The following MCF2 variants were observed in gnomAD, a reference collection of about 807,000 sequenced individuals.
MCF2 encodes MCF.2 cell line derived transforming sequence.
Under a neutral mutation model 82.5 loss-of-function variants are expected in MCF2, and 44 were observed. The ratio of observed to expected loss-of-function variants is 0.53; its 90% confidence interval spans 0.42 to 0.69. The LOEUF is 0.69. Ranked by LOEUF, MCF2 falls within the 30% of genes least tolerant of loss-of-function variation. The pLI, the probability that MCF2 is intolerant of heterozygous loss-of-function variation, is 0.00. For synonymous variants in MCF2, 217 were observed against 224.9 expected, an observed-to-expected ratio of 0.96 and a Z score of 0.32; for missense variants, 623 against 663.1, an observed-to-expected ratio of 0.94 and a Z score of 0.66.
rs187729900 is a variant in MCF2, at chrX:139,617,666, T to C, written c.846A>G (p.Gly282=). 13 of 1,194,562 alleles carry C rather than the reference T, an allele frequency of 1.1e-5. No individual in the cohort carries two copies. In the East Asian group the frequency reaches 3.9e-4, roughly 36 times the overall value. The change falls in exon 8 of 25, where the codon GGA becomes GGG. Residue 282 remains glycine (G), a synonymous_variant. Coordinates refer to ENST00000370576, the Ensembl canonical transcript of MCF2. Reference sequence around the variant, plus strand: ...AATGGTGATTTGCTGCAAGCTTGTGTCCATGTAATATCACAAACTGGGCCT... The same window carrying C: ...AATGGTGATTTGCTGCAAGCTTGTGCCCATGTAATATCACAAACTGGGCCT...
chrX:139,586,456 C>T, exon 23 of MCF2: 1 of 1,207,292 alleles, frequency 8.3e-7, no homozygotes, highest in Non-Finnish European at 1.1e-6. Context: ...AATTCAGTTT[C>T]CTCAGTACTT....
intron 11 of MCF2, among the ~76,000 whole-genome samples, chrX:139,608,821 G>T (rs1399302392): frequency 9.0e-6 from 1 of 111,493 alleles, no homozygotes; most frequent in African/African-American, 3.3e-5. Context: ...GAAAACTGAG[G>T]CTCAGACAGA....
chrX:139,626,709 A>G (rs769392560), exon 5 of MCF2: 12 of 1,207,428 alleles, frequency 9.9e-6, no homozygotes, highest in Non-Finnish European at 1.3e-5. Flanking sequence ...GCACTTCCAG[A>G]TTTGTTAGCA....
intron 2 of MCF2, among the ~76,000 whole-genome samples, chrX:139,651,008 C>A (rs5954090): frequency 9.1e-6 from 1 of 110,242 alleles, no homozygotes; most frequent in Non-Finnish European, 1.9e-5. Flanking sequence ...AGTAAAATTG[C>A]GGTTGACAGG....
rs761400155 is a variant in MCF2, at chrX:139,615,900, C to T, written c.1191+382G>A. ...TAGGAAAGCAACATCATCCACAGAG[C>T]ATCTGCTGATGGTCACTGCAGCACA... On this transcript the variant is annotated intron_variant, in intron 9 of 24. Coordinates refer to ENST00000370576, the Ensembl canonical transcript of MCF2. 1.1e-3 allele frequency among the ~76,000 whole-genome samples: 128 copies of T among 111,576 alleles called. 1 individual carries two copies. Among genetic ancestry groups the T allele is most frequent in the African/African-American group, 4.1e-3 (126 of 30,765 alleles).
intron 6 of MCF2, among the ~76,000 whole-genome samples, chrX:139,621,445 T>C (rs1410435176): frequency 9.0e-6 from 1 of 111,058 alleles, no homozygotes; most frequent in Non-Finnish European, 1.9e-5. Flanking sequence ...TCACAAACTA[T>C]GCATCTGACA....
rs777439449 is a variant in MCF2, at chrX:139,596,611, G to A, written c.2215C>T (p.Arg739Cys). Reference sequence around the variant, plus strand: ...TCAGAGCCTTCTCCACTTTCAACACGCCTTTTGCAAAAAACAATGGCTTTT... The same window carrying A: ...TCAGAGCCTTCTCCACTTTCAACACACCTTTTGCAAAAAACAATGGCTTTT... The change falls in exon 19 of 25, where the codon CGT becomes TGT. Residue 739 changes from arginine (R) to cysteine (C), a missense_variant. Transcript: ENST00000370576. 6.6e-6 allele frequency: 8 copies of A among 1,208,236 alleles called. No homozygotes were observed. Among genetic ancestry groups the A allele is most frequent in the African/African-American group, 3.5e-5 (2 of 57,100 alleles).
chrX:139,659,119 C>G (rs904404031), intron 1 of MCF2, among the ~76,000 whole-genome samples: 3 of 110,433 alleles, frequency 2.7e-5, no homozygotes, highest in African/African-American at 9.9e-5. Context: ...GAAACCCTGT[C>G]GCTGCTAAAA....
At chrX:139,672,206 G>T (rs1164176055) in intron 1 of MCF2, among the ~76,000 whole-genome samples, 1 of 112,538 alleles carries the variant, frequency 8.9e-6, no homozygotes. Flanking sequence ...AGCTGAAGGA[G>T]ATTTTGGGCT....
In MCF2 at chrX:139,668,281, C is replaced by T. The variant is rs1048764116; in HGVS notation, c.-44-16493G>A. Among the ~76,000 whole-genome samples the T allele has an allele frequency of 4.5e-5, 5 of 111,751 alleles. No individual in the cohort carries two copies. The Admixed American group carries it at 4.7e-4, about 11-fold the overall frequency. On this transcript the variant is annotated intron_variant, in intron 1 of 27. Coordinates refer to the MCF2 transcript ENST00000414978. ...AGCAGCAATAACACCTCAGTCCCAA[C>T]ACCGCTGGGTTCCAGGATACTGTGC...
At chrX:139,620,847 C>G (rs1255232599) in intron 6 of MCF2, among the ~76,000 whole-genome samples, 1 of 111,682 alleles carries the variant, frequency 9.0e-6, no homozygotes, top group Non-Finnish European at 1.9e-5. Flanking sequence ...GCCTTTTTCA[C>G]AGAATTAGAA....
intron 2 of MCF2, among the ~76,000 whole-genome samples, chrX:139,648,385 C>G (rs12841192): frequency 2.8e-5 from 3 of 108,902 alleles, no homozygotes; most frequent in East Asian, 2.9e-4. Context: ...ACGCCCCCCC[C>G]AAAAAGAAAG....
chrX:139,702,077 C>CCA (rs1462192953), intron 1 of MCF2, among the ~76,000 whole-genome samples: 1 of 111,679 alleles, frequency 9.0e-6, no homozygotes, highest in African/African-American at 3.3e-5. Flanking sequence ...GGTCTCTGTT[C>CCA]AAGTACTATC....
At chrX:139,587,149 A>G (rs1309435783) in intron 22 of MCF2, among the ~76,000 whole-genome samples, 1 of 111,146 alleles carries the variant, frequency 9.0e-6, no homozygotes, top group African/African-American at 3.3e-5. Flanking sequence ...TCAATGAGAG[A>G]ATTCTTTCTG....
At chrX:139,595,489 A>G (rs1281663750) in intron 19 of MCF2, among the ~76,000 whole-genome samples, 3 of 103,099 alleles carry the variant, frequency 2.9e-5, no homozygotes, top group Non-Finnish European at 5.9e-5. Context: ...AAAAAACCAA[A>G]CACCACATCT....
At chrX:139,705,329 CAAAT>C (rs1447147857) in intron 1 of MCF2, among the ~76,000 whole-genome samples, 2 of 111,476 alleles carry the variant, frequency 1.8e-5, no homozygotes, top group Non-Finnish European at 3.8e-5. Context: ...AACAAACAAA[CAAAT>C]AAAGACAGCT....
chrX:139,592,730 G>A (rs909738135), intron 19 of MCF2, among the ~76,000 whole-genome samples: 1 of 111,568 alleles, frequency 9.0e-6, no homozygotes, highest in African/African-American at 3.3e-5. Context: ...CCTTTGTGAC[G>A]AAACCAAGAG....
chrX:139,585,211 T>G (rs770302331), intron 23 of MCF2, 33 bp from the exon 28 acceptor site: 2 of 899,527 alleles, frequency 2.2e-6, no homozygotes, highest in African/African-American at 4.0e-5. Flanking sequence ...GGCAGTTACT[T>G]CATGGTGCTA....
intron 17 of MCF2, 69 bp from the exon 22 acceptor site, chrX:139,597,654 G>C: frequency 1.1e-6 from 1 of 906,147 alleles, no homozygotes. Flanking sequence ...TAAGTTTTTG[G>C]CTAACATGCT....
Sources: gnomAD v4.1 joint callset for allele counts (sites outside exome capture counted in the v4.1 genomes callset) on GRCh38, gnomAD v4.1.1 for gene constraint, MANE v1.5 for transcripts, NCBI Gene and HGNC (gene_info 2026-07-23, HGNC 2026-07-21) for gene names.